ASTN1: variants seen among roughly 807,000 people sequenced by gnomAD.
ASTN1 encodes the protein astrotactin-1.
A neutral mutation model predicts 140.7 loss-of-function variants in ASTN1; 41 were observed. The observed-to-expected ratio is 0.29, with a 90% CI of 0.23 to 0.38. The LOEUF (loss-of-function observed/expected upper bound fraction) is 0.38. ASTN1 is among the 10% of genes least tolerant of loss of function. The pLI, the probability that ASTN1 is intolerant of heterozygous loss-of-function variation, is 1.00. For missense variants in ASTN1, 1,479 were observed against 1,678.8 expected (o/e 0.88, Z 2.08); for synonymous variants, 640 against 652.2 (o/e 0.98, Z 0.29).
chr1:176,996,787 G>A (rs188666112), intron 8 of ASTN1, among the ~76,000 whole-genome samples: 6 of 152,266 alleles, frequency 3.9e-5, no homozygotes, highest in Admixed American at 1.3e-4. Flanking sequence ...TGCCACGCTA[G>A]GGGCTCCCAT....
chr1:177,078,355 T>C (rs932740688), intron 1 of ASTN1, among the ~76,000 whole-genome samples: 2 of 152,100 alleles, frequency 1.3e-5, no homozygotes, highest in African/African-American at 4.8e-5. Flanking sequence ...ATTGAGCAAC[T>C]TGGGCAAGTC....
intron 1 of ASTN1, among the ~76,000 whole-genome samples, chr1:177,078,679 A>G (rs1346508915): frequency 7.2e-5 from 11 of 152,174 alleles, no homozygotes; most frequent in Non-Finnish European, 2.9e-5. Context: ...AGTCTGCAAA[A>G]TGGGAATCAT....
At chr1:177,024,378 G>A (rs1675991383) in intron 6 of ASTN1, among the ~76,000 whole-genome samples, 1 of 152,188 alleles carries the variant, frequency 6.6e-6, no homozygotes. Context: ...AGAAGAAGAG[G>A]TGATCACTTT....
intron 1 of ASTN1, 80 bp from the exon 2 acceptor site, chr1:177,061,345 A>G (rs766728603): frequency 4.5e-6 from 6 of 1,342,134 alleles, no homozygotes; most frequent in Non-Finnish European, 6.0e-6. Context: ...CACTTGTACC[A>G]ATTAGCCAGT....
intron 16 of ASTN1, among the ~76,000 whole-genome samples, chr1:176,915,501 C>T (rs915301991): frequency 3.9e-5 from 6 of 152,170 alleles, no homozygotes; most frequent in Non-Finnish European, 7.3e-5. Flanking sequence ...GGATTTTTCA[C>T]AGTTGTTTTC....
intron 14 of ASTN1, among the ~76,000 whole-genome samples, chr1:176,939,903 G>C: frequency 6.6e-6 from 1 of 152,052 alleles, no homozygotes; most frequent in South Asian, 2.1e-4. Context: ...AGGAAGGAAG[G>C]AGGGAAGGAT....
intron 16 of ASTN1, among the ~76,000 whole-genome samples, chr1:176,923,473 G>A (rs1290813393): frequency 5.3e-5 from 8 of 152,128 alleles, no homozygotes; most frequent in Admixed American, 5.2e-4. Flanking sequence ...GGGCAATACA[G>A]CAGGCCCCCA....
At chr1:177,063,776 T>C in intron 1 of ASTN1, among the ~76,000 whole-genome samples, 1 of 152,092 alleles carries the variant, frequency 6.6e-6, no homozygotes, top group East Asian at 1.9e-4. Context: ...GAAACCAAAC[T>C]CTGTCTCCTA....
At chr1:177,116,197 C>G (rs1381200180) in intron 1 of ASTN1, among the ~76,000 whole-genome samples, 1 of 152,100 alleles carries the variant, frequency 6.6e-6, no homozygotes, top group Non-Finnish European at 1.5e-5. Context: ...TATTACCACT[C>G]CTTTGACCAC....
chr1:176,896,824 C>T (rs113281923), intron 16 of ASTN1, among the ~76,000 whole-genome samples: 2,949 of 152,232 alleles, frequency 0.019, 75 homozygotes, highest in African/African-American at 0.068. Flanking sequence ...GCATCACATT[C>T]TGATGAGTCT....
chr1:177,071,285 G>C lies in ASTN1; in HGVS notation c.284-10020C>G, dbSNP rs185916157. 1.8e-3 allele frequency among the ~76,000 whole-genome samples: 270 copies of C among 152,322 alleles called. 2 individuals are homozygous for C. The highest frequency in any genetic ancestry group is 4.4e-5 in the Non-Finnish European group (3 of 68,028). On this transcript the variant is annotated intron_variant, in intron 1 of 22. Transcript: ENST00000361833. Reference sequence around the variant, plus strand: ...GCTGGCATGCAAGGCCAGCCCCAGGGAGCTTGTTGTCAGGCACTTAGCAAG... The same window carrying C: ...GCTGGCATGCAAGGCCAGCCCCAGGCAGCTTGTTGTCAGGCACTTAGCAAG...
chr1:177,029,560 A>C, intron 5 of ASTN1, 74 bp downstream of exon 5: 24 of 1,476,366 alleles, frequency 1.6e-5, no homozygotes, highest in Middle Eastern at 1.7e-4. Context: ...ACCCAACCCA[A>C]CACCTCTTCG....
intron 5 of ASTN1, chr1:177,029,330 A>C: frequency 3.4e-6 from 2 of 588,308 alleles, no homozygotes; most frequent in South Asian, 1.4e-5. Flanking sequence ...TCTGAACAGC[A>C]AAATATGACT....
chr1:177,080,817 T>G (rs1679143017), intron 1 of ASTN1, among the ~76,000 whole-genome samples: 1 of 152,192 alleles, frequency 6.6e-6, no homozygotes, highest in Non-Finnish European at 1.5e-5. Context: ...GCTAGTCAGA[T>G]GATCCCAGGC....
intron 14 of ASTN1, among the ~76,000 whole-genome samples, chr1:176,942,091 A>G (rs1671740094): frequency 6.6e-6 from 1 of 152,156 alleles, no homozygotes; most frequent in Admixed American, 6.5e-5. Flanking sequence ...TTTCTTTTCT[A>G]TAAGGTAGAT....
intron 21 of ASTN1, among the ~76,000 whole-genome samples, chr1:176,874,882 G>A (rs1668498538): frequency 6.6e-6 from 1 of 152,028 alleles, no homozygotes; most frequent in South Asian, 2.1e-4. Flanking sequence ...TGGGAGGCAG[G>A]CATTTGAATT....
chr1:176,899,216 A>G (rs555594924), intron 16 of ASTN1, among the ~76,000 whole-genome samples: 39 of 152,322 alleles, frequency 2.6e-4, no homozygotes, highest in Non-Finnish European at 4.3e-4. Flanking sequence ...AGTTTCCCCA[A>G]TAGAATATTG....
chr1:176,862,875 C>T lies in ASTN1; in HGVS notation c.*1409G>A, dbSNP rs1474149725. 18 of 985,312 alleles carry T rather than the reference C, an allele frequency of 1.8e-5. No individual in the cohort carries two copies. The highest frequency in any genetic ancestry group is 1.9e-5 in the Non-Finnish European group (16 of 829,950). The allele number at this position is 985,312 out of a possible 1,614,324, so 61.0% of individuals were successfully genotyped here. On this transcript the variant is annotated 3_prime_UTR_variant, in exon 23 of 23. Coordinates refer to ENST00000361833, the MANE Select transcript of ASTN1 (RefSeq NM_004319.3). ...TAGCTCAATGACTAGCCTTATAGGT[C>T]TTGCATCTGTTTGCTGACCTTTCTC...
chr1:176,899,088 C>T (rs1262464238), intron 16 of ASTN1, among the ~76,000 whole-genome samples: 1 of 152,188 alleles, frequency 6.6e-6, no homozygotes, highest in East Asian at 1.9e-4. Flanking sequence ...AGAAGAACAT[C>T]CAACCTGGAA....
Sources: gnomAD v4.1 joint callset for allele counts (sites outside exome capture counted in the v4.1 genomes callset) on GRCh38, gnomAD v4.1.1 for gene constraint, MANE v1.5 for transcripts, NCBI Gene and HGNC (gene_info 2026-07-23, HGNC 2026-07-21) for gene names.